CPXM2: variants seen among roughly 807,000 people sequenced by gnomAD.
CPXM2 encodes the protein inactive carboxypeptidase-like protein X2.
A neutral mutation model predicts 86.1 loss-of-function variants in CPXM2; 66 were observed. That is an observed-to-expected ratio of 0.77 (90% CI 0.63 to 0.94). The LOEUF is 0.94. Ranked by LOEUF, CPXM2 falls within the 40% of genes least tolerant of loss-of-function variation. The pLI is 0.00. For synonymous variants in CPXM2, 388 were observed against 400.2 expected (o/e 0.97, Z 0.36); for missense variants, 948 against 1,026.3 (o/e 0.92, Z 1.04).
At chr10:123,856,409 T>C (rs538284682) in intron 3 of CPXM2, among the ~76,000 whole-genome samples, 2 of 152,286 alleles carry the variant, frequency 1.3e-5, no homozygotes, top group African/African-American at 4.8e-5. Context: ...AGGGCTGCTG[T>C]CCCCGAACCC....
chr10:123,767,310 A>ATTTTG (rs1846502075), intron 9 of CPXM2, among the ~76,000 whole-genome samples, 158 bp from the exon 10 acceptor site: 1 of 152,188 alleles, frequency 6.6e-6, no homozygotes, highest in South Asian at 2.1e-4. Context: ...GAATATTGAA[A>ATTTTG]AACTTCCTAT....
At chr10:123,768,324 A>T (rs1426050542) in intron 9 of CPXM2, 1 of 268,660 alleles carries the variant, frequency 3.7e-6, no homozygotes. Flanking sequence ...CAGTGAGCGG[A>T]GATCACGCCA....
intron 10 of CPXM2, among the ~76,000 whole-genome samples, chr10:123,763,770 A>G (rs1280836681): frequency 6.6e-6 from 1 of 152,234 alleles, no homozygotes; most frequent in Non-Finnish European, 1.5e-5. Context: ...GCTATAACGA[A>G]CAGTGTTGCT....
chr10:123,754,607 G>A lies in CPXM2; in HGVS notation c.2017+56C>T. On this transcript the variant is annotated intron_variant, in intron 13 of 13. Coordinates refer to ENST00000241305, the MANE Select transcript of CPXM2 (RefSeq NM_198148.3). The surrounding 1 kb of genome is among the most constrained non-coding windows in gnomAD (Gnocchi z 4.0). ...TTCATGATTGTAACCCAAGTAAAAT[G>A]CCTAAAAAAATGGGTATTTCTTACC... is the stretch of plus-strand genomic sequence containing the variant. 1 of 929,796 alleles carries A rather than the reference G, an allele frequency of 1.1e-6. No individual in the cohort carries two copies. The highest frequency in any genetic ancestry group is 1.8e-6 in the Non-Finnish European group (1 of 560,384). 57.6% of individuals were successfully genotyped at this position (929,796 alleles called of 1,614,324 possible).
At chr10:123,819,721 C>T (rs112406374) in intron 4 of CPXM2, among the ~76,000 whole-genome samples, 5,174 of 152,220 alleles carry the variant, frequency 0.034, 297 homozygotes, top group African/African-American at 0.11. Context: ...ATTATGACCT[C>T]ATTATTGTCT....
intron 2 of CPXM2, among the ~76,000 whole-genome samples, chr10:123,870,775 G>T (rs1232358433): frequency 1.3e-5 from 2 of 152,068 alleles, no homozygotes; most frequent in Non-Finnish European, 2.9e-5. Flanking sequence ...CACCCCAACT[G>T]AGCATCACAA....
Position 123,806,700 on chromosome 10 carries a change from T to C in CPXM2, c.654-7501A>G, listed in dbSNP as rs540775577. Among the ~76,000 whole-genome samples the C allele has an allele frequency of 9.9e-5, 15 of 152,016 alleles. No homozygotes were observed. The East Asian group carries it at 1.5e-3, about 16-fold the overall frequency. ...GGCATCAAGAAACTTACAATCATGG[T>C]GGAAAGCAAAGGGGAACAAGGCACA... is the stretch of plus-strand genomic sequence containing the variant. On this transcript the variant is annotated intron_variant, in intron 4 of 13. Transcript: ENST00000241305.
At chr10:123,869,276 C>T (rs890086848) in intron 2 of CPXM2, among the ~76,000 whole-genome samples, 3 of 152,130 alleles carry the variant, frequency 2.0e-5, no homozygotes, top group East Asian at 3.9e-4. Flanking sequence ...AAGCGGGCTC[C>T]GACAATTAAT....
chr10:123,787,307 C>A (rs1847082843), intron 6 of CPXM2, among the ~76,000 whole-genome samples: 1 of 152,184 alleles, frequency 6.6e-6, no homozygotes, highest in South Asian at 2.1e-4. Context: ...CTCACCCTCA[C>A]TCTTGCTGGT....
At chr10:123,770,692 G>A (rs999795007) in intron 8 of CPXM2, among the ~76,000 whole-genome samples, 2 of 152,174 alleles carry the variant, frequency 1.3e-5, no homozygotes, top group African/African-American at 2.4e-5. Context: ...TGCTCCATTT[G>A]GAGAAAAGAT....
chr10:123,820,880 TTC>T (rs1847911146), intron 4 of CPXM2, among the ~76,000 whole-genome samples: 1 of 152,236 alleles, frequency 6.6e-6, no homozygotes, highest in Non-Finnish European at 1.5e-5. Context: ...ATTCAGGCTC[TTC>T]TCTCCATCAA....
chr10:123,929,674 G>T (rs1945650821), intron 2 of CPXM2, among the ~76,000 whole-genome samples: 1 of 152,032 alleles, frequency 6.6e-6, no homozygotes, highest in Non-Finnish European at 1.5e-5. Flanking sequence ...GCTGGGAAGG[G>T]TCCCTTTGCC....
rs568202377 is a variant in CPXM2 at position 123,756,647 on chromosome 10, C to T, written c.1917+566G>A. Among the ~76,000 whole-genome samples the T allele has an allele frequency of 8.1e-4, 120 of 148,860 alleles. 1 individual carries two copies. Among genetic ancestry groups the T allele is most frequent in the African/African-American group, 2.6e-3 (105 of 40,472 alleles). ...ATCTCAGAATGTGACTATGTACAGA[C>T]GGAGCCTTCGAAGAGGTAATTAAGG... On this transcript the variant is annotated intron_variant, in intron 12 of 13. Coordinates refer to ENST00000241305, the MANE Select transcript of CPXM2 (RefSeq NM_198148.3).
At chr10:123,937,470 A>ATAC (rs1491511876) in intron 2 of CPXM2, among the ~76,000 whole-genome samples, 2 of 132,590 alleles carry the variant, frequency 1.5e-5, no homozygotes, top group East Asian at 2.2e-4. Context: ...ACAACAAAAC[A>ATAC]ACACACACAC....
intron 2 of CPXM2, among the ~76,000 whole-genome samples, chr10:123,930,791 G>C (rs1236370082): frequency 6.6e-6 from 1 of 152,200 alleles, no homozygotes; most frequent in Non-Finnish European, 1.5e-5. Context: ...GGTCATGATG[G>C]CGTTTCCTGA....
At chr10:123,914,955 G>T (rs1945523206) in intron 2 of CPXM2, among the ~76,000 whole-genome samples, 1 of 152,162 alleles carries the variant, frequency 6.6e-6, no homozygotes, top group South Asian at 2.1e-4. Context: ...AAATGGATCT[G>T]CTTCAAACCC....
At chr10:123,848,466 T>C (rs891040499) in intron 3 of CPXM2, among the ~76,000 whole-genome samples, 2 of 152,186 alleles carry the variant, frequency 1.3e-5, no homozygotes, top group African/African-American at 4.8e-5. Context: ...CTAGTAAACA[T>C]CCACGGTTTA....
intron 2 of CPXM2, among the ~76,000 whole-genome samples, chr10:123,872,493 G>A (rs1046238831): frequency 6.6e-6 from 1 of 152,158 alleles, no homozygotes; most frequent in African/African-American, 2.4e-5. Flanking sequence ...ATCTGATGGT[G>A]GTTATCTTTG....
intron 2 of CPXM2, among the ~76,000 whole-genome samples, chr10:123,862,998 C>T (rs1848889383): frequency 6.6e-6 from 1 of 152,178 alleles, no homozygotes; most frequent in African/African-American, 2.4e-5. Context: ...GATCCTTCCC[C>T]AACATGACTC....
Sources: allele counts gnomAD v4.1 joint callset (sites outside exome capture counted in the v4.1 genomes callset), GRCh38; gene constraint gnomAD v4.1.1; non-coding constraint Gnocchi (gnomAD v3.1); transcripts MANE v1.5; gene names NCBI Gene and HGNC (gene_info 2026-07-23, HGNC 2026-07-21).